Variants in IQCM observed in about 807,000 individuals in gnomAD.
The protein encoded by IQCM is IQ domain-containing protein M.
IQCM carries 45 observed loss-of-function variants against 57.6 expected under a neutral mutation model. The observed-to-expected ratio is 0.78, with a 90% confidence interval of 0.62 to 1.00. The LOEUF (loss-of-function observed/expected upper bound fraction) is 1.00, where lower values mean the gene tolerates loss of function less well. IQCM is among the 50% of genes least tolerant of loss of function. The pLI, the probability that IQCM is intolerant of heterozygous loss-of-function variation, is 0.00. For synonymous variants in IQCM, 148 were observed against 158.9 expected, an observed-to-expected ratio of 0.93 and a Z score of 0.51; for missense variants, 468 against 511.6, an observed-to-expected ratio of 0.91 and a Z score of 0.82.
At chr4:149,455,837 T>C (rs981784770) in intron 12 of IQCM, among the ~76,000 whole-genome samples, 1 of 151,504 alleles carries the variant, frequency 6.6e-6, no homozygotes, top group Non-Finnish European at 1.5e-5. Context: ...TAGCCAGGTG[T>C]GGTAGCATGC....
chr4:149,773,945 A>T (rs1375970909), intron 2 of IQCM, among the ~76,000 whole-genome samples: 1 of 152,110 alleles, frequency 6.6e-6, no homozygotes, highest in Non-Finnish European at 1.5e-5. Context: ...CCAAATCTGT[A>T]ACAATATTAA....
chr4:149,681,424 T>C (rs1480896825), intron 7 of IQCM, among the ~76,000 whole-genome samples: 3 of 151,282 alleles, frequency 2.0e-5, no homozygotes, highest in Non-Finnish European at 4.4e-5. Context: ...TTGATTGGAA[T>C]CATGAAAACA....
chr4:149,355,567 G>A (rs553970351), intron 13 of IQCM, among the ~76,000 whole-genome samples: 27 of 152,138 alleles, frequency 1.8e-4, no homozygotes, highest in Admixed American at 6.5e-4. Flanking sequence ...TACAAAGGAC[G>A]TGAACTCATC....
chr4:149,756,352 A>G (rs1466948792), intron 2 of IQCM, among the ~76,000 whole-genome samples: 1 of 152,226 alleles, frequency 6.6e-6, no homozygotes, highest in Non-Finnish European at 1.5e-5. Context: ...ATGATAATTA[A>G]CAGAAGACAA....
chr4:149,653,461 A>G (rs1026960461), intron 7 of IQCM, among the ~76,000 whole-genome samples: 14 of 151,994 alleles, frequency 9.2e-5, no homozygotes, highest in African/African-American at 2.7e-4. Flanking sequence ...TATATAACAT[A>G]TATGTGTGTG....
At chr4:149,535,283 AG>A (rs1209044830) in intron 12 of IQCM, among the ~76,000 whole-genome samples, 6 of 152,088 alleles carry the variant, frequency 3.9e-5, no homozygotes, top group Non-Finnish European at 7.4e-5. Context: ...ATTAATTAAA[AG>A]TTTGCATATT....
rs536391075 is a variant in IQCM at position 149,396,458 on chromosome 4, A to C, written c.1390+36938T>G. ...GACACAATTTTAAGCAAACAGAACA[A>C]GCATACATTATACAGCTCTACATCT... On this transcript the variant is annotated intron_variant, in intron 13 of 13. Coordinates refer to ENST00000636793, the MANE Select transcript of IQCM (RefSeq NM_001363507.2). Among the ~76,000 whole-genome samples, 21 of 152,098 alleles carry C rather than the reference A, an allele frequency of 1.4e-4. 1 individual carries two copies. Among genetic ancestry groups the C allele is most frequent in the African/African-American group, 4.8e-4 (20 of 41,546 alleles).
At chr4:149,517,987 C>T (rs1745162910) in intron 12 of IQCM, among the ~76,000 whole-genome samples, 1 of 152,124 alleles carries the variant, frequency 6.6e-6, no homozygotes, top group Admixed American at 6.6e-5. Flanking sequence ...AGTTCTGTCC[C>T]TCTAGAGACC....
At chr4:149,711,485 G>A (rs919790574) in intron 5 of IQCM, among the ~76,000 whole-genome samples, 2 of 152,182 alleles carry the variant, frequency 1.3e-5, no homozygotes, top group South Asian at 2.1e-4. Flanking sequence ...TGCAAATCTT[G>A]CAAGATTTTG....
intron 5 of IQCM, among the ~76,000 whole-genome samples, chr4:149,687,330 C>T (rs1027113834): frequency 1.3e-5 from 2 of 151,372 alleles, no homozygotes; most frequent in African/African-American, 4.8e-5. Flanking sequence ...TAACTACAGT[C>T]GGCCTTCGGT....
intron 13 of IQCM, among the ~76,000 whole-genome samples, chr4:149,376,844 G>C (rs1730732544): frequency 6.6e-6 from 1 of 152,022 alleles, no homozygotes; most frequent in African/African-American, 2.4e-5. Context: ...CTTTGAAAAG[G>C]CTTTAAATCT....
At chr4:149,548,957 C>G (rs1326263545) in intron 11 of IQCM, among the ~76,000 whole-genome samples, 1 of 151,846 alleles carries the variant, frequency 6.6e-6, no homozygotes, top group Non-Finnish European at 1.5e-5. Context: ...AGCTGCTCTA[C>G]TTTTTTCATC....
At chr4:149,597,423 C>T (rs542574522) in intron 8 of IQCM, among the ~76,000 whole-genome samples, 44 of 152,228 alleles carry the variant, frequency 2.9e-4, no homozygotes, top group South Asian at 2.5e-3. Context: ...TAGAGTCTCG[C>T]TCTGCTGCCC....
intron 7 of IQCM, among the ~76,000 whole-genome samples, chr4:149,653,839 G>A (rs1759407795): frequency 6.6e-6 from 1 of 152,052 alleles, no homozygotes; most frequent in Non-Finnish European, 1.5e-5. Flanking sequence ...TTGATGCCAA[G>A]AAACTCCTAC....
chr4:149,715,148 G>T lies in IQCM; in HGVS notation c.385+18096C>A, dbSNP rs181615321. 4.3e-3 allele frequency among the ~76,000 whole-genome samples: 656 copies of T among 152,286 alleles called. 5 individuals are homozygous for T. Among genetic ancestry groups the T allele is most frequent in the African/African-American group, 0.013 (528 of 41,556 alleles). ...TCTGTGGCTGGTGGTGCCTTTGCCT[G>T]AGTTTTGCTGGGGCCTGCTGTGCTA... On this transcript the variant is annotated intron_variant, in intron 5 of 13. Coordinates refer to ENST00000636793, the MANE Select transcript of IQCM (RefSeq NM_001363507.2).
At chr4:149,385,918 A>G (rs945170120) in intron 13 of IQCM, among the ~76,000 whole-genome samples, 1 of 152,130 alleles carries the variant, frequency 6.6e-6, no homozygotes, top group East Asian at 1.9e-4. Flanking sequence ...AAATGAATAT[A>G]TTATTGACTG....
At chr4:149,525,578 G>C (rs551003098) in intron 12 of IQCM, among the ~76,000 whole-genome samples, 5 of 151,848 alleles carry the variant, frequency 3.3e-5, no homozygotes, top group African/African-American at 1.2e-4. Flanking sequence ...ATATCTAGCT[G>C]GAAGAAAAAT....
intron 2 of IQCM, among the ~76,000 whole-genome samples, chr4:149,809,822 C>T (rs78963902): frequency 0.022 from 3,341 of 152,254 alleles, 64 homozygotes; most frequent in South Asian, 0.036. Flanking sequence ...CTGACATTGA[C>T]AATTTCAAAC....
intron 7 of IQCM, among the ~76,000 whole-genome samples, chr4:149,650,485 C>G (rs571068284): frequency 6.6e-6 from 1 of 151,454 alleles, no homozygotes; most frequent in African/African-American, 2.4e-5. Context: ...CTCCACCTCC[C>G]GGAATCAAGC....
Sources: allele counts gnomAD v4.1 joint callset (sites outside exome capture counted in the v4.1 genomes callset), GRCh38; gene constraint gnomAD v4.1.1; transcripts MANE v1.5; gene names NCBI Gene and HGNC (gene_info 2026-07-23, HGNC 2026-07-21).